Variants in OR51C1 observed in about 807,000 individuals in gnomAD.
OR51C1 encodes olfactory receptor family 51 subfamily C member 1.
chr11:4,692,251 A>C, the OR51C1 span: 1 of 378,276 alleles, frequency 2.6e-6, no homozygotes, highest in East Asian at 7.5e-5. Flanking sequence ...AGTAACACAT[A>C]GGAAGTGACA....
At chr11:4,695,148 C>T in the OR51C1 span, among the ~76,000 whole-genome samples, 5 of 152,154 alleles carry the variant, frequency 3.3e-5, no homozygotes, top group Admixed American at 1.3e-4. Context: ...GTGTAATGAA[C>T]TTAAATTTTT....
chr11:4,690,467 C>T, the OR51C1 span: 3 of 168,978 alleles, frequency 1.8e-5, no homozygotes, highest in Non-Finnish European at 3.9e-5. Context: ...TTGGCAGGGA[C>T]AGAAGGCAAC....
At chr11:4,697,537 A>G in the OR51C1 span, 494 of 152,750 alleles carry the variant, frequency 3.2e-3, 4 homozygotes, top group African/African-American at 0.011. Flanking sequence ...TCCTCAGCCC[A>G]CCATACCAAC....
the OR51C1 span, among the ~76,000 whole-genome samples, chr11:4,696,940 C>G: frequency 0.55 from 83,474 of 151,966 alleles, 23,436 homozygotes; most frequent in East Asian, 0.73. Context: ...TTGAGACCAT[C>G]TACACCATTA....
the OR51C1 span, chr11:4,691,635 T>A: frequency 2.3e-6 from 1 of 440,320 alleles, no homozygotes; most frequent in Admixed American, 2.5e-5. Context: ...GTGGAAGGCT[T>A]CCAGCCCAGG....
the OR51C1 span, among the ~76,000 whole-genome samples, chr11:4,696,473 A>G: frequency 3.3e-5 from 5 of 152,180 alleles, no homozygotes; most frequent in African/African-American, 1.2e-4. Context: ...GAACCTCGGG[A>G]GGTCTATATA....
At chr11:4,697,124 GT>G in the OR51C1 span, among the ~76,000 whole-genome samples, 1 of 152,306 alleles carries the variant, frequency 6.6e-6, no homozygotes, top group East Asian at 1.9e-4. Flanking sequence ...AGTATCAGAA[GT>G]CTGAAACATA....
the OR51C1 span, chr11:4,691,019 A>G: frequency 2.2e-6 from 1 of 456,352 alleles, no homozygotes; most frequent in Non-Finnish European, 4.4e-6. Context: ...AAGCAACGCT[A>G]AGGACAGTCC....
the OR51C1 span, chr11:4,691,681 T>C: frequency 7.9e-6 from 3 of 379,058 alleles, no homozygotes; most frequent in East Asian, 7.3e-5. Context: ...GAAGTGGAGG[T>C]GATATTCTGC....
chr11:4,693,614 G>A, the OR51C1 span, among the ~76,000 whole-genome samples: 1 of 152,090 alleles, frequency 6.6e-6, no homozygotes, highest in Admixed American at 6.5e-5. Context: ...CCAGCTACTG[G>A]GGAGGCTGAG....
At chr11:4,696,097 T>C in the OR51C1 span, among the ~76,000 whole-genome samples, 2 of 152,094 alleles carry the variant, frequency 1.3e-5, no homozygotes, top group East Asian at 3.9e-4. Context: ...CAATCAAACC[T>C]GTAATTTAGA....
the OR51C1 span, chr11:4,690,973 C>T: frequency 3.5e-5 from 16 of 454,058 alleles, no homozygotes; most frequent in Non-Finnish European, 7.1e-5. Context: ...ATGTGGGAGA[C>T]ACATGTACTG....
the OR51C1 span, among the ~76,000 whole-genome samples, chr11:4,693,667 A>G: frequency 3.4e-4 from 52 of 152,212 alleles, no homozygotes; most frequent in Non-Finnish European, 5.1e-4. Context: ...CTTCCAGGTG[A>G]ACCGAGATGG....
chr11:4,692,516 C>G, the OR51C1 span, among the ~76,000 whole-genome samples: 2 of 152,208 alleles, frequency 1.3e-5, no homozygotes, highest in African/African-American at 2.4e-5. Context: ...TTGAATGTTA[C>G]TGTTTTGTTT....
the OR51C1 span, chr11:4,691,320 A>G: frequency 4.4e-6 from 2 of 457,438 alleles, no homozygotes. Context: ...GGGATTAGAG[A>G]CGGCCACAAA....
the OR51C1 span, among the ~76,000 whole-genome samples, chr11:4,692,905 G>A: frequency 6.6e-6 from 1 of 151,890 alleles, no homozygotes; most frequent in African/African-American, 2.4e-5. Flanking sequence ...CAGAAAACTA[G>A]ATGAAAAACA....
the OR51C1 span, among the ~76,000 whole-genome samples, chr11:4,693,668 A>G: frequency 2.6e-5 from 4 of 151,842 alleles, no homozygotes; most frequent in Admixed American, 6.6e-5. Flanking sequence ...TTCCAGGTGA[A>G]CCGAGATGGC....
the OR51C1 span, among the ~76,000 whole-genome samples, chr11:4,694,575 TAC>T: frequency 0.18 from 26,450 of 147,774 alleles, 2,756 homozygotes; most frequent in East Asian, 0.32. Flanking sequence ...CATATATATA[TAC>T]ACACACACAC....
chr11:4,691,241 C>A, the OR51C1 span: 4 of 456,718 alleles, frequency 8.8e-6, no homozygotes, highest in South Asian at 1.5e-5. Flanking sequence ...GCATTAGGAG[C>A]CCCCTGATGA....
Sources: allele counts gnomAD v4.1 joint callset (sites outside exome capture counted in the v4.1 genomes callset), GRCh38; gene constraint gnomAD v4.1.1; transcripts MANE v1.5; gene names NCBI Gene and HGNC (gene_info 2026-07-23, HGNC 2026-07-21).